Variants in CSMD3 observed in about 807,000 individuals in gnomAD.
CSMD3 encodes CUB and sushi domain-containing protein 3.
In CSMD3, 177 loss-of-function variants were observed where a neutral mutation model predicts 435.2. That is an observed-to-expected ratio of 0.41 (90% CI 0.36 to 0.46). The LOEUF is 0.46. CSMD3 is among the 20% of genes least tolerant of loss of function. CSMD3 has a pLI of 0.34. For missense variants in CSMD3, 4,265 were observed against 4,504.6 expected (o/e 0.95, Z 1.52); for synonymous variants, 1,656 against 1,520.5 (o/e 1.09, Z -2.07).
At chr8:112,429,894 A>C (rs1490757762) in intron 32 of CSMD3, among the ~76,000 whole-genome samples, 2 of 151,988 alleles carry the variant, frequency 1.3e-5, no homozygotes, top group Admixed American at 1.3e-4. Flanking sequence ...TTTTCAGTAA[A>C]CAACATTCAC....
At position 112,259,564 on chromosome 8, in the gene CSMD3, C is replaced by A. The variant is rs193286925; in HGVS notation, c.9862+4075G>T. Among the ~76,000 whole-genome samples, 559 of 152,132 alleles carry A rather than the reference C, an allele frequency of 3.7e-3. 3 individuals carry two copies. The highest frequency in any genetic ancestry group is 0.013 in the African/African-American group (534 of 41,502). ...TGTAACAAAACTGCACGTTCTTCAC[C>A]TGTACCCCAGAACTTAAAGTATAAT... On this transcript the variant is annotated intron_variant, in intron 61 of 70. Transcript: ENST00000297405.
At chr8:113,002,706 CAT>C (rs929136437) in intron 6 of CSMD3, among the ~76,000 whole-genome samples, 5 of 152,066 alleles carry the variant, frequency 3.3e-5, no homozygotes, top group South Asian at 2.1e-4. Flanking sequence ...AACTTTATCA[CAT>C]GTTATACAAC....
chr8:112,878,922 TTC>T (rs2081368881), intron 10 of CSMD3, among the ~76,000 whole-genome samples: 1 of 152,136 alleles, frequency 6.6e-6, no homozygotes. Context: ...TCCCGTTATC[TTC>T]GTAAGCTGAG....
chr8:113,403,491 C>T (rs1408232253), intron 1 of CSMD3, among the ~76,000 whole-genome samples: 1 of 151,230 alleles, frequency 6.6e-6, no homozygotes, highest in Non-Finnish European at 1.5e-5. Flanking sequence ...GAAAATCTGT[C>T]AGTAACACCA....
Position 112,650,334 on chromosome 8 carries a change from G to T in CSMD3, c.3020C>A (p.Thr1007Lys). The stretch of plus-strand genomic sequence containing the variant: ...TATGCCAGGGTCCAAACAAGAATAC[G>T]TGTTCACTGTAACACCTGGAAAACA... ...KIHYESVTVN[T>K]YSCLDPGIPV... The change falls in exon 19 of 71, where the codon ACG (threonine) becomes AAG (lysine). Residue 1007 changes from threonine (T) to lysine (K), a missense_variant. Thr to Lys is a moderately conservative substitution (Grantham distance 78, BLOSUM62 -1). Coordinates refer to ENST00000297405, the MANE Select transcript of CSMD3 (RefSeq NM_198123.2). The T allele has an allele frequency of 6.2e-7, 1 of 1,613,240 alleles. No individual in the cohort carries two copies. The highest frequency in any genetic ancestry group is 8.5e-7 in the Non-Finnish European group (1 of 1,179,320).
intron 3 of CSMD3, among the ~76,000 whole-genome samples, chr8:113,215,489 T>C (rs1471170761): frequency 6.6e-6 from 1 of 151,056 alleles, no homozygotes; most frequent in Non-Finnish European, 1.5e-5. Flanking sequence ...AAATTAATTG[T>C]AGGTGACCTT....
chr8:112,762,633 C>G (rs755951719), intron 13 of CSMD3, among the ~76,000 whole-genome samples: 1 of 151,800 alleles, frequency 6.6e-6, no homozygotes, highest in Non-Finnish European at 1.5e-5. Context: ...TGAAATAAAC[C>G]ACTTAAAGTT....
At chr8:113,156,785 G>T (rs1226322630) in intron 4 of CSMD3, among the ~76,000 whole-genome samples, 1 of 115,412 alleles carries the variant, frequency 8.7e-6, no homozygotes, top group Non-Finnish European at 1.8e-5. Flanking sequence ...AATAAAGTTA[G>T]CCAGGCCTGG....
chr8:112,821,813 A>G (rs974073853), intron 12 of CSMD3, among the ~76,000 whole-genome samples: 4 of 152,016 alleles, frequency 2.6e-5, no homozygotes, highest in Non-Finnish European at 5.9e-5. Flanking sequence ...ATCCATCTTG[A>G]GTTAATTTTT....
At chr8:112,948,006 T>C (rs374133637) in intron 8 of CSMD3, 129 bp from the exon 9 acceptor site, 31 of 570,286 alleles carry the variant, frequency 5.4e-5, no homozygotes, top group East Asian at 2.0e-4. Context: ...CATTTAAGCA[T>C]TTGTTAAACT....
intron 1 of CSMD3, among the ~76,000 whole-genome samples, chr8:113,335,879 C>T (rs2094070453): frequency 6.6e-6 from 1 of 151,762 alleles, no homozygotes; most frequent in South Asian, 2.1e-4. Flanking sequence ...CGTTAGTTTT[C>T]TATTTAAGAT....
chr8:113,313,286 T>C (rs574037750), intron 2 of CSMD3: 2 of 152,320 alleles, frequency 1.3e-5, no homozygotes, highest in East Asian at 3.9e-4. Context: ...ATGTTTTTCA[T>C]TGCCAAAACT....
At chr8:113,228,191 A>C (rs1460136080) in intron 3 of CSMD3, among the ~76,000 whole-genome samples, 1 of 151,580 alleles carries the variant, frequency 6.6e-6, no homozygotes, top group East Asian at 1.9e-4. Flanking sequence ...TCTTCTTAAA[A>C]ACTTGAAACA....
chr8:113,061,015 A>G (rs576516458), intron 5 of CSMD3, among the ~76,000 whole-genome samples: 50 of 152,278 alleles, frequency 3.3e-4, no homozygotes, highest in Middle Eastern at 6.8e-3. Context: ...GCTGCACTCT[A>G]TTGAGATAAG....
intron 27 of CSMD3, among the ~76,000 whole-genome samples, chr8:112,549,513 A>G (rs1161848981): frequency 6.6e-6 from 1 of 152,068 alleles, no homozygotes; most frequent in East Asian, 1.9e-4. Context: ...ATAAACAAAA[A>G]GTCAGCCAAG....
chr8:112,683,532 A>G (rs1392457983), intron 15 of CSMD3, among the ~76,000 whole-genome samples: 1 of 152,046 alleles, frequency 6.6e-6, no homozygotes, highest in Non-Finnish European at 1.5e-5. Flanking sequence ...TAGCAGGAGT[A>G]TAATAAAAAT....
intron 38 of CSMD3, among the ~76,000 whole-genome samples, chr8:112,377,198 AAAGAAT>A (rs1333944006): frequency 5.3e-5 from 8 of 152,086 alleles, no homozygotes; most frequent in African/African-American, 1.9e-4. Context: ...ACAGAAATTA[AAAGAAT>A]AAGAGACTAC....
At chr8:113,315,880 G>A (rs960352628) in intron 1 of CSMD3, among the ~76,000 whole-genome samples, 9 of 151,514 alleles carry the variant, frequency 5.9e-5, no homozygotes, top group South Asian at 2.1e-4. Flanking sequence ...CACCACGCCC[G>A]GCTAATTTTT....
chr8:113,068,360 T>C (rs927276824), intron 5 of CSMD3, among the ~76,000 whole-genome samples: 3 of 152,140 alleles, frequency 2.0e-5, no homozygotes, highest in African/African-American at 7.2e-5. Flanking sequence ...TGGACATTAA[T>C]ATGCTAATTT....
Sources: gnomAD v4.1 joint callset for allele counts (sites outside exome capture counted in the v4.1 genomes callset) on GRCh38, gnomAD v4.1.1 for gene constraint, MANE v1.5 for transcripts, NCBI Gene and HGNC (gene_info 2026-07-23, HGNC 2026-07-21) for gene names.